The following FAM167A variants were observed in gnomAD, a reference collection of about 807,000 sequenced individuals.
The protein encoded by FAM167A is protein FAM167A.
A neutral mutation model predicts 14.9 loss-of-function variants in FAM167A; 23 were observed. That is an observed-to-expected ratio of 1.55 (90% CI 1.11 to 2.19). The LOEUF is 2.19. Among genes scored for constraint, FAM167A ranks in the 30% most tolerant of loss-of-function variants. FAM167A has a pLI of 0.00. For synonymous variants in FAM167A, 174 were observed against 117.7 expected, an observed-to-expected ratio of 1.48 and a Z score of -3.10; for missense variants, 401 against 281.5, an observed-to-expected ratio of 1.42 and a Z score of -3.04.
rs1224553952 is a variant in FAM167A at position 11,422,952 on chromosome 8, G to A, written c.*1421C>T. ...GAGGTGGAGAGTAGAGGGGTTGGCAGTGTGCGGGTTTGGCAAAGCATCACG... is the reference window on the plus strand; with the variant it reads ...GAGGTGGAGAGTAGAGGGGTTGGCAATGTGCGGGTTTGGCAAAGCATCACG... On this transcript the variant is annotated 3_prime_UTR_variant, in exon 3 of 3. Coordinates refer to ENST00000284486, the MANE Select transcript of FAM167A (RefSeq NM_053279.3). The A allele has an allele frequency of 6.5e-6, 1 of 152,706 alleles. No homozygotes were observed. Among genetic ancestry groups the A allele is most frequent in the African/African-American group, 2.4e-5 (1 of 41,468 alleles). 9.5% of individuals were successfully genotyped at this position (152,706 alleles called of 1,614,324 possible).
At chr8:11,454,478 C>A (rs974735763) in intron 1 of FAM167A, among the ~76,000 whole-genome samples, 3 of 152,186 alleles carry the variant, frequency 2.0e-5, no homozygotes, top group African/African-American at 7.2e-5. Context: ...TGATTTCAAC[C>A]GGAGACAAAG....
chr8:11,464,049 G>T (rs1353875065), intron 1 of FAM167A, among the ~76,000 whole-genome samples: 1 of 152,178 alleles, frequency 6.6e-6, no homozygotes, highest in Non-Finnish European at 1.5e-5. Context: ...GGGAGACTGG[G>T]CTACTGCTCA....
Position 11,422,437 on chromosome 8 carries a change from G to C in FAM167A, c.*1936C>G, listed in dbSNP as rs1804820240. 1 of 151,916 alleles carries C rather than the reference G, an allele frequency of 6.6e-6. No homozygotes were observed. The highest frequency in any genetic ancestry group is 6.6e-5 in the Admixed American group (1 of 15,142). The allele number at this position is 151,916 out of a possible 1,614,324, so 9.4% of individuals were successfully genotyped here. A position where few individuals can be genotyped will look rare whatever the true frequency, so the allele number is the denominator to read the frequency against. On this transcript the variant is annotated 3_prime_UTR_variant, in exon 3 of 3. Coordinates refer to ENST00000284486, the MANE Select transcript of FAM167A (RefSeq NM_053279.3). ...GCCCGAGACCTCAAGGGCTTATCTG[G>C]AAAGAGGTTGGCAGGAAAGGAATGC...
intron 2 of FAM167A, among the ~76,000 whole-genome samples, chr8:11,439,213 G>A (rs1193633782): frequency 1.3e-5 from 2 of 152,248 alleles, no homozygotes; most frequent in South Asian, 4.1e-4. Context: ...TCTGTAAGAT[G>A]GGAATAGCAA....
chr8:11,446,199 C>T (rs748367079), intron 1 of FAM167A, among the ~76,000 whole-genome samples: 4 of 152,140 alleles, frequency 2.6e-5, no homozygotes, highest in South Asian at 4.1e-4. Flanking sequence ...CGACATGGCA[C>T]GCAGACGCTT....
At chr8:11,465,928 C>T (rs1807747191) in intron 1 of FAM167A, among the ~76,000 whole-genome samples, 1 of 152,188 alleles carries the variant, frequency 6.6e-6, no homozygotes. Flanking sequence ...CTCAGAATTC[C>T]CTCCAAGCCC....
chr8:11,461,845 G>C (rs1807551399), intron 1 of FAM167A, among the ~76,000 whole-genome samples: 3 of 152,236 alleles, frequency 2.0e-5, no homozygotes, highest in South Asian at 2.1e-4. Context: ...GTTTCTAAAA[G>C]GCTTCGTAAG....
intron 2 of FAM167A, among the ~76,000 whole-genome samples, chr8:11,437,672 G>A (rs557333153): frequency 1.4e-5 from 2 of 147,672 alleles, no homozygotes; most frequent in Non-Finnish European, 1.5e-5. Context: ...TTCCATGGAG[G>A]GCTGGGAGGG....
intron 2 of FAM167A, among the ~76,000 whole-genome samples, chr8:11,433,316 AT>A (rs1341616104): frequency 6.6e-6 from 1 of 152,246 alleles, no homozygotes; most frequent in African/African-American, 2.4e-5. Flanking sequence ...GCTTCCTAAA[AT>A]AAAGGCAATG....
At chr8:11,432,753 C>T (rs1805701896) in intron 2 of FAM167A, among the ~76,000 whole-genome samples, 2 of 152,180 alleles carry the variant, frequency 1.3e-5, no homozygotes, top group African/African-American at 2.4e-5. Flanking sequence ...ATGATAAAGA[C>T]ACATGCACAC....
intron 2 of FAM167A, among the ~76,000 whole-genome samples, chr8:11,432,829 A>G (rs1300571722): frequency 6.6e-6 from 1 of 152,224 alleles, no homozygotes; most frequent in African/African-American, 2.4e-5. Flanking sequence ...TCAATCAATG[A>G]TAGACTGGAT....
chr8:11,465,097 T>G (rs1455794193), intron 1 of FAM167A, among the ~76,000 whole-genome samples: 1 of 152,094 alleles, frequency 6.6e-6, no homozygotes, highest in Non-Finnish European at 1.5e-5. Context: ...TGGGAAGAAT[T>G]GAGGCCGGCC....
In FAM167A at chr8:11,423,055, A is replaced by G. The variant is rs1318244974; in HGVS notation, c.*1318T>C. On this transcript the variant is annotated 3_prime_UTR_variant, in exon 3 of 3. Transcript: ENST00000284486. ...TAATGGTTTCACACATCAATATTCT[A>G]TAGCCTAAACAGCTGTGCAACCTGA... 1 of 152,610 alleles carries G rather than the reference A, an allele frequency of 6.6e-6. No individual in the cohort carries two copies. Among genetic ancestry groups the G allele is most frequent in the Non-Finnish European group, 1.5e-5 (1 of 68,044 alleles). The allele number at this position is 152,610 out of a possible 1,614,324, so 9.5% of individuals were successfully genotyped here.
intron 2 of FAM167A, among the ~76,000 whole-genome samples, chr8:11,442,237 G>C (rs1563373570): frequency 6.6e-6 from 1 of 152,188 alleles, no homozygotes; most frequent in South Asian, 2.1e-4. Flanking sequence ...CCTGGCAGGA[G>C]ATGTGAGCAT....
chr8:11,432,483 G>A (rs536284732), intron 2 of FAM167A, among the ~76,000 whole-genome samples: 2 of 152,184 alleles, frequency 1.3e-5, no homozygotes, highest in Non-Finnish European at 2.9e-5. Context: ...ATCATCACTG[G>A]TCATTAGAGA....
chr8:11,471,300 A>G (rs1012160577), upstream of FAM167A, among the ~76,000 whole-genome samples: 41 of 152,204 alleles, frequency 2.7e-4, no homozygotes, highest in Non-Finnish European at 7.3e-5. Context: ...GCACAGCTGC[A>G]GGGCTCGGCG....
chr8:11,457,729 G>A (rs1184278277), intron 1 of FAM167A, among the ~76,000 whole-genome samples: 1 of 152,140 alleles, frequency 6.6e-6, no homozygotes, highest in Non-Finnish European at 1.5e-5. Context: ...GCCCTCACTG[G>A]CGAGCTAGGC....
chr8:11,475,220 C>G (rs906219187), intron 1 of FAM167A, among the ~76,000 whole-genome samples: 3 of 152,156 alleles, frequency 2.0e-5, no homozygotes, highest in African/African-American at 4.8e-5. Context: ...CCTCTGGGAC[C>G]CCCTCCCTGT....
intron 2 of FAM167A, chr8:11,438,327 C>T (rs990986173): frequency 7.2e-6 from 3 of 414,358 alleles, no homozygotes; most frequent in Non-Finnish European, 1.4e-5. Flanking sequence ...CCCTGGCCAG[C>T]AGCCCCAACT....
Sources: gnomAD v4.1 joint callset for allele counts (sites outside exome capture counted in the v4.1 genomes callset) on GRCh38, gnomAD v4.1.1 for gene constraint, MANE v1.5 for transcripts, NCBI Gene and HGNC (gene_info 2026-07-23, HGNC 2026-07-21) for gene names.